Variants in PON1 observed in about 807,000 individuals in gnomAD.
PON1 encodes the protein serum paraoxonase/arylesterase 1.
PON1 carries 37 observed loss-of-function variants against 39.2 expected under a neutral mutation model. That is an observed-to-expected ratio of 0.94 (90% CI 0.73 to 1.24). The LOEUF (loss-of-function observed/expected upper bound fraction) is 1.24. PON1 is among the 50% of genes most tolerant of loss of function. The pLI is 0.00. For synonymous variants in PON1, 148 were observed against 152.2 expected (o/e 0.97, Z 0.21); for missense variants, 397 against 413.5 (o/e 0.96, Z 0.35).
intron 6 of PON1, 152 bp downstream of exon 6, chr7:95,307,859 C>A: frequency 2.5e-6 from 2 of 805,414 alleles, no homozygotes; most frequent in South Asian, 1.6e-5. Flanking sequence ...AAATTTCACC[C>A]CCTGAAAAAT....
In PON1 at chr7:95,311,673, G is replaced by C. The variant is rs896216555; in HGVS notation, c.371-96C>G. Reference sequence around the variant, plus strand: ...AATTTCAACCCACCTCCAGCTAGTAGTTAGGATGTCAGGCAGATGGAATAT... The same window carrying C: ...AATTTCAACCCACCTCCAGCTAGTACTTAGGATGTCAGGCAGATGGAATAT... On this transcript the variant is annotated intron_variant, in intron 4 of 8. Coordinates refer to ENST00000222381, the MANE Select transcript of PON1 (RefSeq NM_000446.7). The C allele has an allele frequency of 2.4e-6, 3 of 1,273,998 alleles. No individual in the cohort carries two copies. In the African/African-American group the frequency reaches 4.4e-5, roughly 19 times the overall value. 78.9% of individuals were successfully genotyped at this position (1,273,998 alleles called of 1,614,324 possible). A position where few individuals can be genotyped will look rare whatever the true frequency, so the allele number is the denominator to read the frequency against.
rs960596396 is a variant in PON1, at chr7:95,297,876, T to C, written c.*1068A>G. On this transcript the variant is annotated 3_prime_UTR_variant, in exon 9 of 9. Coordinates refer to ENST00000222381, the MANE Select transcript of PON1 (RefSeq NM_000446.7). Reference sequence around the variant, plus strand: ...AAGAAGTAATTCATCATGAAGGTTATACCTTCAAATCAGAAAAACAAATAA... The same window carrying C: ...AAGAAGTAATTCATCATGAAGGTTACACCTTCAAATCAGAAAAACAAATAA... 2 of 152,130 alleles carry C rather than the reference T, an allele frequency of 1.3e-5. No individual in the cohort carries two copies. Among genetic ancestry groups the C allele is most frequent in the African/African-American group, 4.8e-5 (2 of 41,394 alleles). 9.4% of individuals were successfully genotyped at this position (152,130 alleles called of 1,614,324 possible).
At chr7:95,313,571 G>T (rs1785691604) in intron 4 of PON1, among the ~76,000 whole-genome samples, 1 of 151,746 alleles carries the variant, frequency 6.6e-6, no homozygotes, top group Non-Finnish European at 1.5e-5. Flanking sequence ...TAATGGTGAT[G>T]AATGGGTGGA....
chr7:95,307,903 A>C (rs1807573965), intron 6 of PON1, 108 bp downstream of exon 6: 3 of 1,110,530 alleles, frequency 2.7e-6, no homozygotes, highest in African/African-American at 3.1e-5. Context: ...ATTTTATCTC[A>C]CTAGGGTAAC....
Position 95,298,887 on chromosome 7 carries a change from T to C in PON1, c.*57A>G. 2.5e-6 allele frequency: 4 copies of C among 1,603,364 alleles called. No homozygotes were observed. Among genetic ancestry groups the C allele is most frequent in the South Asian group, 1.1e-5 (1 of 90,840 alleles). On this transcript the variant is annotated 3_prime_UTR_variant, in exon 9 of 9. Coordinates refer to ENST00000222381, the MANE Select transcript of PON1 (RefSeq NM_000446.7). ...CTAAGAACACTGGGTCCTCGGAATATGGCAAGCGGTTGAAATAATGGCCTC... is the reference window on the plus strand; with the variant it reads ...CTAAGAACACTGGGTCCTCGGAATACGGCAAGCGGTTGAAATAATGGCCTC...
Position 95,318,349 on chromosome 7 carries a change from G to A in PON1, c.119C>T (p.Pro40Leu), listed in dbSNP as rs141665531. Reference protein sequence around the residue: ...ALREVQPVELPNCNLVKGIET... With the variant: ...ALREVQPVELLNCNLVKGIET... ...GATTCCTTTAACTAAATTACAGTTA[G>A]GAAGTTCTACGGGTTGTACCTCTCG... The change falls in exon 2 of 9, where the codon CCT becomes CTT. Residue 40 changes from proline to leucine, a missense_variant. By Grantham distance (98) the Pro-to-Leu change is moderately conservative. Coordinates refer to ENST00000222381, the MANE Select transcript of PON1 (RefSeq NM_000446.7). 603 of 1,610,258 alleles carry A rather than the reference G, an allele frequency of 3.7e-4. 8 individuals are homozygous for A. In the South Asian group the frequency reaches 5.4e-3, roughly 14 times the overall value.
intron 5 of PON1, 53 bp from the exon 6 acceptor site, chr7:95,308,264 C>T: frequency 6.5e-7 from 1 of 1,529,312 alleles, no homozygotes; most frequent in Non-Finnish European, 9.0e-7. Flanking sequence ...TTGAACATTA[C>T]AGGATTATTA....
chr7:95,318,526 A>G, intron 1 of PON1, 133 bp from the exon 2 acceptor site: 1 of 796,360 alleles, frequency 1.3e-6, no homozygotes, highest in Non-Finnish European at 2.1e-6. Flanking sequence ...TTTTCCTGCA[A>G]TTTTTCCAGG....
At chr7:95,308,904 G>A (rs1807598868) in intron 5 of PON1, among the ~76,000 whole-genome samples, 1 of 151,424 alleles carries the variant, frequency 6.6e-6, no homozygotes, top group East Asian at 1.9e-4. Context: ...CTCTGTTACT[G>A]AAAATGTAAG....
chr7:95,303,245 C>T (rs1196370603), intron 7 of PON1, among the ~76,000 whole-genome samples: 1 of 152,122 alleles, frequency 6.6e-6, no homozygotes, highest in Non-Finnish European at 1.5e-5. Flanking sequence ...CCTCACATGC[C>T]CAAGGAGGGA....
In PON1 at chr7:95,298,113, A is replaced by C. The variant is rs1388674528; in HGVS notation, c.*831T>G. On this transcript the variant is annotated 3_prime_UTR_variant, in exon 9 of 9. Transcript: ENST00000222381. Reference sequence around the variant, plus strand: ...AACCCACCAGCACTACCACCACCTCAACAACAGTGTAGTCTTTGGGGACAC... The same window carrying C: ...AACCCACCAGCACTACCACCACCTCCACAACAGTGTAGTCTTTGGGGACAC... 6.6e-6 allele frequency: 1 copy of C among 152,176 alleles called. No individual in the cohort carries two copies. Among genetic ancestry groups the C allele is most frequent in the Non-Finnish European group, 1.5e-5 (1 of 68,032 alleles). The allele number at this position is 152,176 out of a possible 1,614,324, so 9.4% of individuals were successfully genotyped here. A position where few individuals can be genotyped will look rare whatever the true frequency, so the allele number is the denominator to read the frequency against.
chr7:95,299,926 A>G (rs1362956272), intron 8 of PON1, among the ~76,000 whole-genome samples: 1 of 152,190 alleles, frequency 6.6e-6, no homozygotes, highest in Non-Finnish European at 1.5e-5. Context: ...ATTTTCAGGT[A>G]AGCCAGGGAA....
intron 8 of PON1, among the ~76,000 whole-genome samples, chr7:95,300,516 G>C (rs1453449317): frequency 2.6e-5 from 4 of 152,178 alleles, no homozygotes; most frequent in Non-Finnish European, 4.4e-5. Flanking sequence ...GATGTCTTAG[G>C]AAGTTGCCAT....
intron 2 of PON1, among the ~76,000 whole-genome samples, chr7:95,318,085 C>CTTTTTTT (rs11343146): frequency 2.3e-5 from 3 of 131,156 alleles, no homozygotes; most frequent in African/African-American, 5.6e-5. Flanking sequence ...TTCTTTTTTT[C>CTTTTTTT]TTTTTTTTTT....
At chr7:95,306,185 C>G in intron 7 of PON1, 100 bp downstream of exon 7, 2 of 1,027,472 alleles carry the variant, frequency 1.9e-6, no homozygotes, top group Admixed American at 1.7e-5. Flanking sequence ...TGGTTCTCAC[C>G]CACCCCAATT....
chr7:95,316,920 T>C (rs146345137), intron 2 of PON1, 131 bp from the exon 3 acceptor site: 39 of 730,614 alleles, frequency 5.3e-5, no homozygotes, highest in Non-Finnish European at 8.5e-5. Context: ...GAATAATTCA[T>C]TCTTTCATTT....
intron 4 of PON1, among the ~76,000 whole-genome samples, chr7:95,313,618 ATGTGTGTGTGTGTGTGTG>A (rs3046663): frequency 3.4e-5 from 5 of 147,292 alleles, no homozygotes; most frequent in African/African-American, 7.6e-5. Flanking sequence ...ATATATGTAT[ATGTGTGTGTGTGTGTGTG>A]TGTGTGTGTG....
intron 4 of PON1, among the ~76,000 whole-genome samples, chr7:95,313,918 G>A (rs1322839121): frequency 1.3e-5 from 2 of 152,088 alleles, no homozygotes; most frequent in Non-Finnish European, 2.9e-5. Context: ...AAACCTCTGG[G>A]GTAGTGCTCA....
At chr7:95,302,059 T>A (rs1353802811) in intron 8 of PON1, 146 bp downstream of exon 8, 6 of 795,236 alleles carry the variant, frequency 7.5e-6, no homozygotes, top group Non-Finnish European at 1.1e-5. Flanking sequence ...ATTGCGCCAC[T>A]GCACTCCAGC....
Sources: gnomAD v4.1 joint callset for allele counts (sites outside exome capture counted in the v4.1 genomes callset) on GRCh38, gnomAD v4.1.1 for gene constraint, MANE v1.5 for transcripts, NCBI Gene and HGNC (gene_info 2026-07-23, HGNC 2026-07-21) for gene names.